ATRX: variants seen among roughly 807,000 people sequenced by gnomAD.
ATRX encodes chromatin remodeler ATRX.
In ATRX, 12 loss-of-function variants were observed where a neutral mutation model predicts 172.6. The observed-to-expected ratio is 0.07, with a 90% CI of 0.04 to 0.11. The LOEUF is 0.11. Ranked by LOEUF, ATRX falls within the 10% of genes least tolerant of loss-of-function variation. The probability of loss-of-function intolerance (pLI) is 1.00; values close to 1 mark genes in which losing one functional copy is unlikely to be tolerated. For missense variants in ATRX, 1,368 were observed against 1,767.4 expected, an observed-to-expected ratio of 0.77 and a Z score of 4.05; for synonymous variants, 674 against 594.7, an observed-to-expected ratio of 1.13 and a Z score of -1.94.
intron 10 of ATRX, among the ~76,000 whole-genome samples, chrX:77,671,453 T>C (rs1184627636): frequency 9.2e-6 from 1 of 108,770 alleles, no homozygotes; most frequent in African/African-American, 3.3e-5. Flanking sequence ...CCCACAGTTA[T>C]TAATAATTCA....
chrX:77,773,459 G>A (rs1308258061), intron 1 of ATRX, among the ~76,000 whole-genome samples: 1 of 111,680 alleles, frequency 9.0e-6, no homozygotes, highest in South Asian at 3.7e-4. Context: ...ATTTTAGCAT[G>A]AGAAGCAAAA....
chrX:77,627,158 G>A (rs1017948280), intron 19 of ATRX, among the ~76,000 whole-genome samples: 5 of 111,215 alleles, frequency 4.5e-5, no homozygotes, highest in Non-Finnish European at 7.6e-5. Context: ...GCGTGAACCC[G>A]GGAGGCGGAG....
At chrX:77,586,990 G>A (rs2066050185) in intron 27 of ATRX, among the ~76,000 whole-genome samples, 2 of 109,844 alleles carry the variant, frequency 1.8e-5, no homozygotes, top group Non-Finnish European at 3.8e-5. Flanking sequence ...AGGAGGCAGA[G>A]GCTGTAGTGA....
At chrX:77,556,049 G>A (rs923080327) in intron 30 of ATRX, among the ~76,000 whole-genome samples, 6 of 105,166 alleles carry the variant, frequency 5.7e-5, no homozygotes, top group Non-Finnish European at 9.8e-5. Context: ...GGTGGCAGGC[G>A]CCTATAGTCC....
chrX:77,777,549 A>C lies in ATRX; in HGVS notation c.20+8433T>G, dbSNP rs149927293. 6.4e-4 allele frequency among the ~76,000 whole-genome samples: 72 copies of C among 112,188 alleles called. No individual in the cohort carries two copies. In the East Asian group the frequency reaches 0.02, roughly 31 times the overall value. On this transcript the variant is annotated intron_variant, in intron 1 of 34. Transcript: ENST00000373344. ...GTCGTATGCTTCAAATTGTTCCCTG[A>C]AATATCAACCCTTTTGGAAAAAATC...
rs2148572390 is a variant in ATRX, at chrX:77,681,781, C to T, written c.3475G>A (p.Glu1159Lys). Residue 1159 changes from glutamate (E) to lysine (K), a missense_variant, in exon 9 of 35, where the codon GAG becomes AAG. By Grantham distance (56) the Glu-to-Lys change is moderately conservative. Transcript: ENST00000373344. The part of the protein sequence containing the change: ...IQSGSSSSDA[E>K]ESSEDNKKKK... ...TTTTTATTATCTTCAGAACTTTCCT[C>T]AGCATCAGATGATGATGAGCCACTT... 8.3e-7 allele frequency: 1 copy of T among 1,198,283 alleles called. No individual in the cohort carries two copies. Among genetic ancestry groups the T allele is most frequent in the Non-Finnish European group, 1.1e-6 (1 of 891,666 alleles).
chrX:77,606,339 A>G (rs1557090458), intron 22 of ATRX, among the ~76,000 whole-genome samples: 1 of 111,380 alleles, frequency 9.0e-6, no homozygotes, highest in Non-Finnish European at 1.9e-5. Flanking sequence ...TAATACCTTC[A>G]CTGCTGAATT....
At chrX:77,670,152 A>G (rs1242770619) in intron 10 of ATRX, among the ~76,000 whole-genome samples, 3 of 112,262 alleles carry the variant, frequency 2.7e-5, no homozygotes, top group African/African-American at 9.7e-5. Context: ...CTGGAAAAAA[A>G]TATATTTTTA....
chrX:77,616,745 A>G lies in ATRX; in HGVS notation c.5449-15T>C, dbSNP rs2148246020. 9.4e-7 allele frequency: 1 copy of G among 1,065,956 alleles called. No individual in the cohort carries two copies. Among genetic ancestry groups the G allele is most frequent in the Non-Finnish European group, 1.3e-6 (1 of 764,315 alleles). The allele number at this position is 1,065,956 out of a possible 1,213,427, so 87.8% of individuals were successfully genotyped here. On this transcript the variant is annotated splice_polypyrimidine_tract_variant and intron_variant, in intron 21 of 34. Coordinates refer to ENST00000373344, the MANE Select transcript of ATRX (RefSeq NM_000489.6). ...TAATCTTTCCTCTGTAATTAACAAG[A>G]AAGAGAATGAAAATTAATCTAAATA...
At chrX:77,610,771 T>C (rs2148213294) in intron 22 of ATRX, among the ~76,000 whole-genome samples, 1 of 109,338 alleles carries the variant, frequency 9.1e-6, no homozygotes, top group African/African-American at 3.3e-5. Context: ...ATATTTAATG[T>C]ATCTTCCTGC....
chrX:77,579,381 C>T (rs1325595409), intron 27 of ATRX, among the ~76,000 whole-genome samples: 1 of 111,877 alleles, frequency 8.9e-6, no homozygotes, highest in Non-Finnish European at 1.9e-5. Flanking sequence ...AGTGCTATAC[C>T]CGCAGTGGTA....
At chrX:77,768,685 T>G (rs1250547381) in intron 1 of ATRX, among the ~76,000 whole-genome samples, 3 of 111,369 alleles carry the variant, frequency 2.7e-5, no homozygotes, top group Non-Finnish European at 5.7e-5. Context: ...AATACATAAG[T>G]GATATAAACT....
intron 19 of ATRX, among the ~76,000 whole-genome samples, chrX:77,627,197 C>A (rs999713689): frequency 2.8e-4 from 31 of 110,414 alleles, no homozygotes; most frequent in African/African-American, 9.9e-4. Flanking sequence ...CGCGCCACTG[C>A]GCTCCAGCCT....
chrX:77,506,290 T>C lies in ATRX; in HGVS notation c.*2061A>G, dbSNP rs2062705072. 2 of 171,770 alleles carry C rather than the reference T, an allele frequency of 1.2e-5. No homozygotes were observed. Among genetic ancestry groups the C allele is most frequent in the Non-Finnish European group, 2.2e-5 (2 of 89,722 alleles). 14.2% of individuals were successfully genotyped at this position (171,770 alleles called of 1,213,427 possible). On this transcript the variant is annotated 3_prime_UTR_variant, in exon 35 of 35. Transcript: ENST00000373344. ...CAAAGTACATATTATATAGCTAAAA[T>C]GTCAAGTGAGAAGAGTGTATACAAA...
chrX:77,525,210 ATCGAAGCTGACTTC>A (rs2147773847), intron 30 of ATRX, among the ~76,000 whole-genome samples: 1 of 112,476 alleles, frequency 8.9e-6, no homozygotes, highest in African/African-American at 3.2e-5. Context: ...GAAACTTGCT[ATCGAAGCTGACTTC>A]TCTGGCTTAT....
intron 20 of ATRX, among the ~76,000 whole-genome samples, chrX:77,619,227 C>T (rs1315695988): frequency 9.0e-6 from 1 of 110,896 alleles, no homozygotes; most frequent in African/African-American, 3.3e-5. Flanking sequence ...TTTAAAAATA[C>T]CTAAGGACAG....
At chrX:77,767,397 AT>A (rs1320287801) in intron 1 of ATRX, among the ~76,000 whole-genome samples, 162 of 107,477 alleles carry the variant, frequency 1.5e-3, no homozygotes, top group African/African-American at 5.2e-3. Context: ...AACATAATAG[AT>A]TTTTTTTTTC....
At chrX:77,580,966 GT>G in intron 27 of ATRX, among the ~76,000 whole-genome samples, 1 of 111,749 alleles carries the variant, frequency 8.9e-6, no homozygotes, top group East Asian at 2.8e-4. Context: ...TTCTTTCTTT[GT>G]TTATAAAAAC....
chrX:77,773,209 C>T (rs782467003), intron 1 of ATRX, among the ~76,000 whole-genome samples: 1 of 109,538 alleles, frequency 9.1e-6, no homozygotes, highest in African/African-American at 3.3e-5. Context: ...ACAACAGGTC[C>T]AATCACTTTA....
Sources: allele counts gnomAD v4.1 joint callset (sites outside exome capture counted in the v4.1 genomes callset), GRCh38; gene constraint gnomAD v4.1.1; transcripts MANE v1.5; gene names NCBI Gene and HGNC (gene_info 2026-07-23, HGNC 2026-07-21).